VPS13C: variants seen among roughly 807,000 people sequenced by gnomAD.
VPS13C encodes the protein vacuolar protein sorting 13 homolog C.
A neutral mutation model predicts 456.8 loss-of-function variants in VPS13C; 358 were observed. The observed-to-expected ratio is 0.78, with a 90% CI of 0.72 to 0.86. The LOEUF (loss-of-function observed/expected upper bound fraction) is 0.86, where lower values mean the gene tolerates loss of function less well. Among genes scored for constraint, VPS13C ranks in the 40% least tolerant of loss-of-function variants. The pLI is 0.00. For synonymous variants in VPS13C, 1,578 were observed against 1,486.7 expected (o/e 1.06, Z -1.41); for missense variants, 4,818 against 4,385.4 (o/e 1.10, Z -2.79).
Position 62,000,639 on chromosome 15 carries a change from G to A in VPS13C, c.1291-13C>T, listed in dbSNP as rs28633257. 5.5e-4 allele frequency: 879 copies of A among 1,589,132 alleles called. 3 individuals carry two copies. In the African/African-American group the frequency reaches 0.01, roughly 18 times the overall value. On this transcript the variant is annotated splice_polypyrimidine_tract_variant and intron_variant, in intron 15 of 84. Transcript: ENST00000644861. ...TCTTCTCCAAGTCCTGTAAAAAACA[G>A]AGGCACTTATAAACAAGAAATTTAA...
chr15:62,039,839 C>T (rs1596520346), intron 3 of VPS13C, among the ~76,000 whole-genome samples: 1 of 152,016 alleles, frequency 6.6e-6, no homozygotes, highest in Non-Finnish European at 1.5e-5. Context: ...CCATATGATC[C>T]CCCAATCCCA....
rs952762037 is a variant in VPS13C at position 61,946,294 on chromosome 15, A to G, written c.4980+13T>C. 27 of 1,557,162 alleles carry G rather than the reference A, an allele frequency of 1.7e-5. No homozygotes were observed. The highest frequency in any genetic ancestry group is 2.2e-5 in the Non-Finnish European group (25 of 1,154,748). ...AAAATAAATTCCAATATAAAAATCTATTTTTTAATCACCTTTTTGTGAATG... is the reference window on the plus strand; with the variant it reads ...AAAATAAATTCCAATATAAAAATCTGTTTTTTAATCACCTTTTTGTGAATG... On this transcript the variant is annotated intron_variant, in intron 44 of 84. Transcript: ENST00000644861.
At chr15:61,904,159 G>A (rs926500831) in intron 66 of VPS13C, among the ~76,000 whole-genome samples, 4 of 151,862 alleles carry the variant, frequency 2.6e-5, no homozygotes, top group South Asian at 2.1e-4. Context: ...AAGGCTTCAC[G>A]GCAAAGGAAA....
rs540130711 is a variant in VPS13C, at chr15:61,884,081, C to A, written c.9483+47G>T. The A allele has an allele frequency of 3.9e-6, 6 of 1,527,328 alleles. No individual in the cohort carries two copies. In the South Asian group the frequency reaches 7.7e-5, roughly 20 times the overall value. The allele number at this position is 1,527,328 out of a possible 1,614,324, so 94.6% of individuals were successfully genotyped here. A position where few individuals can be genotyped will look rare whatever the true frequency, so the allele number is the denominator to read the frequency against. On this transcript the variant is annotated intron_variant, in intron 68 of 84. Coordinates refer to ENST00000644861, the MANE Select transcript of VPS13C (RefSeq NM_020821.3). ...TTACAATTTTACTTACTACCACCAC[C>A]AAGAAAATACACATATAAAAATCAA...
chr15:61,946,916 C>CA (rs1430613210), intron 43 of VPS13C, among the ~76,000 whole-genome samples: 2 of 151,784 alleles, frequency 1.3e-5, no homozygotes, highest in Non-Finnish European at 2.9e-5. Flanking sequence ...GATTTCCCTC[C>CA]AAAAAAAATT....
intron 48 of VPS13C, among the ~76,000 whole-genome samples, chr15:61,935,144 T>C (rs2044184183): frequency 6.6e-6 from 1 of 152,174 alleles, no homozygotes; most frequent in South Asian, 2.1e-4. Flanking sequence ...AGTTCACATA[T>C]GATGCAGGGG....
intron 12 of VPS13C, among the ~76,000 whole-genome samples, chr15:62,011,513 C>G (rs1047507815): frequency 6.6e-6 from 1 of 151,652 alleles, no homozygotes; most frequent in African/African-American, 2.4e-5. Context: ...TACGGAACAA[C>G]GTGAGTATGA....
chr15:61,969,233 G>C (rs2045472042), intron 28 of VPS13C, 66 bp downstream of exon 28: 2 of 1,122,220 alleles, frequency 1.8e-6, no homozygotes, highest in Admixed American at 5.1e-5. Context: ...ATAAATGAAA[G>C]TGTTTCAGAT....
At chr15:61,896,275 G>A (rs976696412) in intron 66 of VPS13C, among the ~76,000 whole-genome samples, 15 of 152,162 alleles carry the variant, frequency 9.9e-5, no homozygotes, top group Admixed American at 3.9e-4. Context: ...GAACAGCTCC[G>A]GTCTACAGCT....
chr15:62,047,460 A>G (rs867995123), intron 1 of VPS13C, among the ~76,000 whole-genome samples: 3 of 151,984 alleles, frequency 2.0e-5, no homozygotes, highest in Non-Finnish European at 4.4e-5. Context: ...AAAAAGCAGT[A>G]TCTATTTCTG....
chr15:61,925,674 A>G (rs1596338988), intron 52 of VPS13C, 126 bp from the exon 53 acceptor site: 3 of 566,716 alleles, frequency 5.3e-6, no homozygotes, highest in East Asian at 3.6e-5. Context: ...CTAAAAGCAA[A>G]AAAGCAAAAA....
At chr15:61,977,509 T>C (rs147836534) in intron 23 of VPS13C, among the ~76,000 whole-genome samples, 1 of 152,008 alleles carries the variant, frequency 6.6e-6, no homozygotes, top group East Asian at 1.9e-4. Context: ...ATCTATTACC[T>C]CAATTCCAGA....
At chr15:61,893,119 C>G (rs1162337734) in intron 66 of VPS13C, among the ~76,000 whole-genome samples, 3 of 152,088 alleles carry the variant, frequency 2.0e-5, no homozygotes, top group South Asian at 2.1e-4. Flanking sequence ...TAGAAATACA[C>G]AGGTAAAGGT....
At chr15:61,911,062 T>G (rs1427230752) in intron 63 of VPS13C, among the ~76,000 whole-genome samples, 1 of 152,180 alleles carries the variant, frequency 6.6e-6, no homozygotes. Context: ...TTGAGTCTTT[T>G]GCCAAATATT....
At chr15:61,904,922 T>TA (rs963157520) in intron 66 of VPS13C, among the ~76,000 whole-genome samples, 100 of 143,824 alleles carry the variant, frequency 7.0e-4, no homozygotes, top group African/African-American at 1.0e-3. Context: ...ATGTGGGAGC[T>TA]AAAAAAAAAA....
At chr15:62,050,933 CAA>C (rs1045798366) in intron 1 of VPS13C, among the ~76,000 whole-genome samples, 4 of 129,854 alleles carry the variant, frequency 3.1e-5, no homozygotes, top group Admixed American at 7.7e-5. Flanking sequence ...GGAGTCATCG[CAA>C]AAAAAAAAAA....
At chr15:61,881,191 G>A (rs1267295619) in intron 71 of VPS13C, among the ~76,000 whole-genome samples, 2 of 151,950 alleles carry the variant, frequency 1.3e-5, no homozygotes, top group Non-Finnish European at 2.9e-5. Flanking sequence ...TGCCACATTC[G>A]TCATGTCACA....
chr15:62,001,031 T>G (rs1167708064), intron 15 of VPS13C, among the ~76,000 whole-genome samples: 1 of 152,198 alleles, frequency 6.6e-6, no homozygotes, highest in Middle Eastern at 3.2e-3. Flanking sequence ...AAACACATAA[T>G]ATTTAAGAAT....
At chr15:61,920,396 C>A in intron 56 of VPS13C, 65 bp from the exon 57 acceptor site, 1 of 1,501,394 alleles carries the variant, frequency 6.7e-7, no homozygotes, top group Non-Finnish European at 8.9e-7. Flanking sequence ...AAAACCTATA[C>A]CATAATTACA....
Sources: allele counts gnomAD v4.1 joint callset (sites outside exome capture counted in the v4.1 genomes callset), GRCh38; gene constraint gnomAD v4.1.1; transcripts MANE v1.5; gene names NCBI Gene and HGNC (gene_info 2026-07-23, HGNC 2026-07-21).